The following GIPC1 variants were observed in gnomAD, a reference collection of about 807,000 sequenced individuals.
GIPC1 encodes the protein GIPC PDZ domain containing family member 1, also known as PDZ domain-containing protein GIPC1.
In GIPC1, 15 loss-of-function variants were observed where a neutral mutation model predicts 28.5. That is an observed-to-expected ratio of 0.53 (90% confidence interval 0.35 to 0.81). The LOEUF is 0.81. Among genes scored for constraint, GIPC1 ranks in the 30% least tolerant of loss-of-function variants. GIPC1 has a pLI of 0.01. For synonymous variants in GIPC1, 224 were observed against 206.1 expected (o/e 1.09, Z -0.74); for missense variants, 439 against 481.9 (o/e 0.91, Z 0.83).
chr19:14,495,313 G>A (rs1050472866), intron 1 of GIPC1, among the ~76,000 whole-genome samples: 3 of 151,760 alleles, frequency 2.0e-5, no homozygotes, highest in Non-Finnish European at 4.4e-5. Context: ...GATGAGTACG[G>A]GGTAGGGGGT....
chr19:14,488,334 C>T (rs1174447725), intron 3 of GIPC1, among the ~76,000 whole-genome samples: 11 of 151,932 alleles, frequency 7.2e-5, no homozygotes, highest in Admixed American at 4.6e-4. Context: ...ACCTGTGATC[C>T]CAGCTACTCG....
chr19:14,487,685 C>CTTTTTTTTTTTTTTTTTTTTTTT (rs34048955), intron 3 of GIPC1, among the ~76,000 whole-genome samples: 4 of 130,452 alleles, frequency 3.1e-5, no homozygotes, highest in African/African-American at 9.2e-5. Context: ...CTTTATTTTC[C>CTTTTTTTTTTTTTTTTTTTTTTT]TTTTTTTTTT....
In GIPC1 at chr19:14,495,761, G is replaced by A. The variant is rs369256568; in HGVS notation, c.-175+276C>T. The stretch of plus-strand genomic sequence containing the variant: ...GCCTGTCCACGCTGGGATGGGGACA[G>A]TCCAGCCGGGGGACGGGGGGAGGGG... On this transcript the variant is annotated intron_variant, in intron 1 of 8. Transcript: ENST00000393033. Among the ~76,000 whole-genome samples the A allele has an allele frequency of 1.5e-3, 223 of 152,244 alleles. 5 individuals carry two copies. The South Asian group carries it at 0.044, about 30-fold the overall frequency.
At position 14,491,683 on chromosome 19, in the gene GIPC1, G is replaced by A. The variant is rs2071977149; in HGVS notation, c.-58C>T. 6.6e-6 allele frequency: 1 copy of A among 152,506 alleles called. No homozygotes were observed. Among genetic ancestry groups the A allele is most frequent in the Admixed American group, 6.6e-5 (1 of 15,260 alleles). 9.4% of individuals were successfully genotyped at this position (152,506 alleles called of 1,614,324 possible). ...AAACTAGTGTGGTTGCCTCCTGTGG[G>A]TTTCCCAGCTTCCACCCTCACCCCC... On this transcript the variant is annotated 5_prime_UTR_variant, in exon 3 of 9. Transcript: ENST00000393033.
At chr19:14,493,263 T>C (rs1214442808) in intron 1 of GIPC1, among the ~76,000 whole-genome samples, 1 of 152,206 alleles carries the variant, frequency 6.6e-6, no homozygotes, top group Non-Finnish European at 1.5e-5. Context: ...GTCTCTATTT[T>C]AAAACGTAAA....
At chr19:14,492,755 A>C (rs2071999047) in intron 2 of GIPC1, 102 bp downstream of exon 2, 1 of 152,152 alleles carries the variant, frequency 6.6e-6, no homozygotes, top group Admixed American at 6.5e-5. Flanking sequence ...ACCCGTGAGG[A>C]GGCATTAACA....
Position 14,478,649 on chromosome 19 carries a change from C to T in GIPC1, c.850+35G>A. 2 of 1,611,954 alleles carry T rather than the reference C, an allele frequency of 1.2e-6. No individual in the cohort carries two copies. The highest frequency in any genetic ancestry group is 1.7e-6 in the Non-Finnish European group (2 of 1,178,156). On this transcript the variant is annotated intron_variant, in intron 8 of 8. Transcript: ENST00000393033. The surrounding 1 kb of genome is among the most constrained non-coding windows in gnomAD (Gnocchi z 5.2). ...AGGGTGGATTCGGCCCCCAGCAGAC[C>T]TAGATGCCCCCTCCCCCAGGCAGCC...
chr19:14,495,246 G>A (rs1351058417), intron 1 of GIPC1, among the ~76,000 whole-genome samples: 1 of 151,832 alleles, frequency 6.6e-6, no homozygotes, highest in Non-Finnish European at 1.5e-5. Context: ...GGGAAAGGAG[G>A]GCAGCTTCCT....
rs1300117748 is a variant in GIPC1 at position 14,485,702 on chromosome 19, T to TATAGAG, written c.-30-2697_-30-2696insCTCTAT. On this transcript the variant is annotated intron_variant, in intron 3 of 8. Transcript: ENST00000393033. ...ATAAACAAATATATATATATATATA[T>TATAGAG]AGAGAGAGAGAGAGAGAGAGAGAGA... 5.7e-3 allele frequency among the ~76,000 whole-genome samples: 335 copies of TATAGAG among 58,722 alleles called. 2 individuals carry two copies. The highest frequency in any genetic ancestry group is 0.019 in the East Asian group (58 of 3,042). 38.5% of individuals were successfully genotyped at this position (58,722 alleles called of 152,430 possible). A position where few individuals can be genotyped will look rare whatever the true frequency, so the allele number is the denominator to read the frequency against.
intron 3 of GIPC1, among the ~76,000 whole-genome samples, chr19:14,485,821 A>G (rs2071832258): frequency 6.7e-6 from 1 of 149,824 alleles, no homozygotes; most frequent in African/African-American, 2.5e-5. Flanking sequence ...CCCAGGCTGG[A>G]GTACAGTGGC....
At chr19:14,489,327 T>C (rs1193684308) in intron 3 of GIPC1, 15 of 772,094 alleles carry the variant, frequency 1.9e-5, no homozygotes, top group Non-Finnish European at 4.8e-6. Flanking sequence ...CCTACCGCGG[T>C]AGCGTGAGGG....
chr19:14,479,593 T>C (rs372197323), intron 6 of GIPC1, 69 bp from the exon 7 acceptor site: 16 of 784,998 alleles, frequency 2.0e-5, no homozygotes, highest in East Asian at 1.7e-4. Flanking sequence ...CAGGAACTTG[T>C]CCTTCCTGGC....
At chr19:14,479,809 C>A in intron 6 of GIPC1, 1 of 395,752 alleles carries the variant, frequency 2.5e-6, no homozygotes, top group Non-Finnish European at 4.5e-6. Context: ...GGACAGGAAG[C>A]AGGTGTACCC....
Position 14,480,585 on chromosome 19 carries a change from C to G in GIPC1, c.474+8G>C. 1 of 1,613,298 alleles carries G rather than the reference C, an allele frequency of 6.2e-7. No individual in the cohort carries two copies. The highest frequency in any genetic ancestry group is 8.5e-7 in the Non-Finnish European group (1 of 1,179,524). On this transcript the variant is annotated splice_region_variant and intron_variant, in intron 5 of 8. Coordinates refer to ENST00000393033, the MANE Select transcript of GIPC1 (RefSeq NM_005716.4). ...CAGGCCTCCGGGGTGCCCCGTCTCC[C>G]CAGGCACCTTGATGAAGGCGTAGCC...
chr19:14,482,102 C>G (rs149642107), intron 4 of GIPC1: 1 of 158,028 alleles, frequency 6.3e-6, no homozygotes, highest in Admixed American at 6.0e-5. Flanking sequence ...CTCTCAGTGT[C>G]TGATGGGAAC....
intron 1 of GIPC1, among the ~76,000 whole-genome samples, chr19:14,493,474 T>C (rs968342697): frequency 5.3e-5 from 8 of 151,510 alleles, no homozygotes; most frequent in Admixed American, 4.6e-4. Context: ...TTTTTTTTTT[T>C]CGAGATGGAG....
intron 4 of GIPC1, 79 bp from the exon 5 acceptor site, chr19:14,480,857 A>C: frequency 9.6e-7 from 1 of 1,043,742 alleles, no homozygotes; most frequent in African/African-American, 1.6e-5. Context: ...GAAGGGAGAG[A>C]GCTGGGAGAG....
chr19:14,496,073 C>CGCT lies in GIPC1; in HGVS notation c.-214_-212dup, dbSNP rs781618301. ...CCGCCGCCGCCGCCGCCGCCGCCGC[C>CGCT]GCTGCCTCCGCCTCCCCGTGCGCAC... On this transcript the variant is annotated 5_prime_UTR_variant, in exon 1 of 9. Coordinates refer to ENST00000393033, the MANE Select transcript of GIPC1 (RefSeq NM_005716.4). 9.8e-5 allele frequency: 23 copies of CGCT among 234,680 alleles called. No individual in the cohort carries two copies. The highest frequency in any genetic ancestry group is 2.3e-4 in the East Asian group (2 of 8,826). The allele number at this position is 234,680 out of a possible 1,614,324, so 14.5% of individuals were successfully genotyped here.
At chr19:14,494,287 T>TCC (rs2072032581) in intron 1 of GIPC1, among the ~76,000 whole-genome samples, 1 of 151,936 alleles carries the variant, frequency 6.6e-6, no homozygotes, top group Non-Finnish European at 1.5e-5. Context: ...AGACAGGGTT[T>TCC]CCCCATGTTG....
Sources: allele counts gnomAD v4.1 joint callset (sites outside exome capture counted in the v4.1 genomes callset), GRCh38; gene constraint gnomAD v4.1.1; non-coding constraint Gnocchi (gnomAD v3.1); transcripts MANE v1.5; gene names NCBI Gene and HGNC (gene_info 2026-07-23, HGNC 2026-07-21).